Variants in PRKCH observed in about 807,000 individuals in gnomAD.
PRKCH encodes protein kinase C eta.
In PRKCH, 28 loss-of-function variants were observed where a neutral mutation model predicts 82.5. That is an observed-to-expected ratio of 0.34 (90% confidence interval 0.25 to 0.47). The LOEUF (loss-of-function observed/expected upper bound fraction) is 0.47. PRKCH is among the 20% of genes least tolerant of loss of function. PRKCH has a pLI of 1.00. For missense variants in PRKCH, 705 were observed against 881.8 expected (o/e 0.80, Z 2.54); for synonymous variants, 322 against 327.4 (o/e 0.98, Z 0.18).
At chr14:61,262,742 A>G (rs1037894756) in intron 1 of PRKCH, among the ~76,000 whole-genome samples, 1 of 152,084 alleles carries the variant, frequency 6.6e-6, no homozygotes, top group African/African-American at 2.4e-5. Context: ...CTAAACCCAG[A>G]TGATGCAACA....
chr14:61,217,122 G>A (rs2044621646), intron 1 of PRKCH, among the ~76,000 whole-genome samples: 2 of 152,196 alleles, frequency 1.3e-5, no homozygotes, highest in Admixed American at 6.5e-5. Flanking sequence ...GGGCGTGGTG[G>A]CTCACATCTG....
intron 2 of PRKCH, among the ~76,000 whole-genome samples, chr14:61,422,294 A>G (rs565728203): frequency 6.6e-6 from 1 of 152,268 alleles, no homozygotes; most frequent in South Asian, 2.1e-4. Context: ...TATGTTGCCC[A>G]GGCTGGCCTC....
chr14:61,221,159 C>G (rs1225682200), intron 1 of PRKCH, among the ~76,000 whole-genome samples: 2 of 151,946 alleles, frequency 1.3e-5, no homozygotes, highest in Non-Finnish European at 2.9e-5. Flanking sequence ...GGTGGGGAAC[C>G]CTCCAACAGC....
intron 10 of PRKCH, among the ~76,000 whole-genome samples, chr14:61,521,186 C>A (rs1452323186): frequency 6.6e-6 from 1 of 152,122 alleles, no homozygotes. Context: ...TTTCTCTATA[C>A]CTTTTTCAGG....
intron 1 of PRKCH, among the ~76,000 whole-genome samples, chr14:61,213,564 G>A (rs924413230): frequency 3.3e-5 from 5 of 152,190 alleles, no homozygotes; most frequent in African/African-American, 7.2e-5. Flanking sequence ...ATGGTGTCAC[G>A]TGGTGATGCG....
intron 10 of PRKCH, among the ~76,000 whole-genome samples, chr14:61,527,319 G>T (rs2042980028): frequency 1.3e-5 from 2 of 152,120 alleles, no homozygotes; most frequent in South Asian, 4.1e-4. Context: ...AACAAACCCT[G>T]TTCTCACTCT....
Position 61,457,266 on chromosome 14 carries a change from G to C in PRKCH, c.1051G>C (p.Gly351Arg). The change falls in exon 8 of 14, where the codon GGT becomes CGT. Residue 351 changes from glycine to arginine, a missense_variant. Gly to Arg is a moderately radical substitution (Grantham distance 125). Around this residue, in one of 5 missense-constraint regions of PRKCH, gnomAD observed 238 missense variants for 258.1 expected, o/e 0.92. Coordinates refer to ENST00000332981, the MANE Select transcript of PRKCH (RefSeq NM_006255.5). ...TGGGGTTAATTCTTCCAACCGACTTGGTATCGACAACTTTGAGTTCATCCG... is the reference window on the plus strand; with the variant it reads ...TGGGGTTAATTCTTCCAACCGACTTCGTATCGACAACTTTGAGTTCATCCG... ...GIGVNSSNRLGIDNFEFIRVL... is the reference protein window; with the variant it reads ...GIGVNSSNRLRIDNFEFIRVL... The C allele has an allele frequency of 6.2e-7, 1 of 1,614,182 alleles. No individual in the cohort carries two copies. The highest frequency in any genetic ancestry group is 1.1e-5 in the South Asian group (1 of 91,080).
chr14:61,403,588 G>A (rs1881780202), intron 2 of PRKCH, among the ~76,000 whole-genome samples: 1 of 152,192 alleles, frequency 6.6e-6, no homozygotes, highest in Admixed American at 6.5e-5. Context: ...CTTTAGAGCT[G>A]CCTGTTACAG....
intron 13 of PRKCH, among the ~76,000 whole-genome samples, chr14:61,549,361 C>T (rs2043298769): frequency 1.3e-5 from 2 of 152,204 alleles, no homozygotes; most frequent in Admixed American, 1.3e-4. Flanking sequence ...TGTGAAATGC[C>T]ACCTTGGTGA....
intron 10 of PRKCH, among the ~76,000 whole-genome samples, chr14:61,489,697 G>A (rs117710850): frequency 0.014 from 2,058 of 152,326 alleles, 37 homozygotes; most frequent in Non-Finnish European, 0.017. Context: ...TCATTCTTTT[G>A]TCCTGGGCTT....
chr14:61,451,314 G>A (rs1884499175), intron 6 of PRKCH, among the ~76,000 whole-genome samples: 1 of 152,066 alleles, frequency 6.6e-6, no homozygotes, highest in Admixed American at 6.5e-5. Context: ...AGTCAGGTGA[G>A]ACACTAAAAA....
At position 61,388,177 on chromosome 14, in the gene PRKCH, T is replaced by G. The variant is rs889662455; in HGVS notation, c.364-3048T>G. On this transcript the variant is annotated intron_variant, in intron 1 of 13. Transcript: ENST00000332981. ...AAAAAAAAAAAAAAAAAGAAAGAAA[T>G]CCCCATTGTGTGCAACCCACTAAGT... Among the ~76,000 whole-genome samples the G allele has an allele frequency of 4.9e-5, 7 of 143,666 alleles. No individual in the cohort carries two copies. In the South Asian group the frequency reaches 1.6e-3, roughly 32 times the overall value. 94.3% of individuals were successfully genotyped at this position (143,666 alleles called of 152,430 possible). A position where few individuals can be genotyped will look rare whatever the true frequency, so the allele number is the denominator to read the frequency against.
chr14:61,387,107 T>C (rs150432596), intron 1 of PRKCH, among the ~76,000 whole-genome samples: 12 of 152,340 alleles, frequency 7.9e-5, no homozygotes, highest in African/African-American at 2.4e-4. Flanking sequence ...TCCTTCCAGA[T>C]TGAAGTTTAG....
intron 1 of PRKCH, among the ~76,000 whole-genome samples, chr14:61,237,066 C>T (rs2044795890): frequency 6.6e-6 from 1 of 151,984 alleles, no homozygotes; most frequent in African/African-American, 2.4e-5. Flanking sequence ...AATCCAAGAA[C>T]CCTTTTTTGG....
chr14:61,325,623 A>G (rs1843013557), intron 1 of PRKCH, among the ~76,000 whole-genome samples: 1 of 152,228 alleles, frequency 6.6e-6, no homozygotes, highest in South Asian at 2.1e-4. Flanking sequence ...GACTTTATCA[A>G]AATGAAAAAC....
In PRKCH at chr14:61,364,571, C is replaced by T. The variant is rs148863617; in HGVS notation, c.364-26654C>T. Among the ~76,000 whole-genome samples, 506 of 152,110 alleles carry T rather than the reference C, an allele frequency of 3.3e-3. 11 individuals carry two copies. Among genetic ancestry groups the T allele is most frequent in the African/African-American group, 0.012 (479 of 41,408 alleles). ...AGGAATGGCCAGGTGTGGTGGTTCA[C>T]ACCTGTAATCCTAGCACTTTGGGAG... On this transcript the variant is annotated intron_variant, in intron 1 of 13. Transcript: ENST00000332981.
rs187044611 is a variant in PRKCH, at chr14:61,217,869, C to A, written c.-19+30201C>A. 3.6e-3 allele frequency among the ~76,000 whole-genome samples: 544 copies of A among 152,234 alleles called. 3 individuals carry two copies. The highest frequency in any genetic ancestry group is 0.013 in the African/African-American group (524 of 41,542). Reference sequence around the variant, plus strand: ...TCTACTTTTTAAAAGAATTCCTGTTCTTTTAAACTTCTTTCAGGCTAGAAC... The same window carrying A: ...TCTACTTTTTAAAAGAATTCCTGTTATTTTAAACTTCTTTCAGGCTAGAAC... On this transcript the variant is annotated intron_variant, in intron 1 of 3. Transcript: ENST00000555185.
intron 1 of PRKCH, among the ~76,000 whole-genome samples, chr14:61,255,189 G>A (rs1191229568): frequency 6.6e-6 from 1 of 152,224 alleles, no homozygotes; most frequent in African/African-American, 2.4e-5. Flanking sequence ...GATTGAGGGA[G>A]TTTCTTTCTC....
In PRKCH at chr14:61,280,470, CG is replaced by C. The variant is rs1566804829; in HGVS notation, c.-19+92807del. Reference sequence around the variant, plus strand: ...CGTAGACTGGCCGGCGCCAGTTGGGCGGGGGCGCCGTGCCCTGGAAGGCCAA... The same window carrying C: ...CGTAGACTGGCCGGCGCCAGTTGGGCGGGGCGCCGTGCCCTGGAAGGCCAA... On this transcript the variant is annotated intron_variant, in intron 1 of 3. Transcript: ENST00000555185. This position sits in a 1 kb window ranked among gnomAD's most constrained non-coding sequence, Gnocchi z 5.0. 3 of 1,613,358 alleles carry C rather than the reference CG, an allele frequency of 1.9e-6. No individual in the cohort carries two copies. Among genetic ancestry groups the C allele is most frequent in the Non-Finnish European group, 2.5e-6 (3 of 1,179,702 alleles).
Sources: gnomAD v4.1 joint callset for allele counts (sites outside exome capture counted in the v4.1 genomes callset) on GRCh38, gnomAD v4.1.1 for gene constraint, gnomAD v4.1.1 regional missense constraint, Gnocchi (gnomAD v3.1) non-coding constraint, MANE v1.5 for transcripts, NCBI Gene and HGNC (gene_info 2026-07-23, HGNC 2026-07-21) for gene names.